MPHOSPH8: variants seen among roughly 807,000 people sequenced by gnomAD.
MPHOSPH8 encodes M-phase phosphoprotein, mpp.
MPHOSPH8 carries 45 observed loss-of-function variants against 87.3 expected under a neutral mutation model. That is an observed-to-expected ratio of 0.52 (90% CI 0.41 to 0.66). The LOEUF (loss-of-function observed/expected upper bound fraction) is 0.66, where lower values mean the gene tolerates loss of function less well. Among genes scored for constraint, MPHOSPH8 ranks in the 30% least tolerant of loss-of-function variants. MPHOSPH8 has a pLI of 0.00. For synonymous variants in MPHOSPH8, 366 were observed against 376.9 expected, an observed-to-expected ratio of 0.97 and a Z score of 0.33; for missense variants, 883 against 1,020.2, an observed-to-expected ratio of 0.87 and a Z score of 1.83.
chr13:19,654,450 C>A (rs1384774599), intron 5 of MPHOSPH8, among the ~76,000 whole-genome samples: 1 of 152,016 alleles, frequency 6.6e-6, no homozygotes, highest in African/African-American at 2.4e-5. Context: ...ATGCTCTGCA[C>A]ATGTACCCCA....
rs1874624523 is a variant in MPHOSPH8 at position 19,647,357 on chromosome 13, A to G, written c.1218+66A>G. 42 of 1,374,144 alleles carry G rather than the reference A, an allele frequency of 3.1e-5. No individual in the cohort carries two copies. In the South Asian group the frequency reaches 5.7e-4, roughly 19 times the overall value. The allele number at this position is 1,374,144 out of a possible 1,614,324, so 85.1% of individuals were successfully genotyped here. ...GTCAAGACATTTCACAAGCAAGGAA[A>G]GGGAAACAGTCAAGCTATAAGAAAG... On this transcript the variant is annotated intron_variant, in intron 3 of 13. Coordinates refer to ENST00000361479, the MANE Select transcript of MPHOSPH8 (RefSeq NM_017520.4).
rs183264197 is a variant in MPHOSPH8 at position 19,662,840 on chromosome 13, T to G, written c.1933-200T>G. Among the ~76,000 whole-genome samples the G allele has an allele frequency of 2.5e-3, 382 of 152,382 alleles. 2 individuals carry two copies. The highest frequency in any genetic ancestry group is 8.5e-3 in the African/African-American group (355 of 41,600). On this transcript the variant is annotated intron_variant, in intron 8 of 13. Transcript: ENST00000361479. ...AGCTAGCGGTTCCATTCGCAGTTGC[T>G]GGCAGCACAGTGAGTGGCCACGTTT...
At chr13:19,643,544 C>T (rs1268489469) in intron 2 of MPHOSPH8, among the ~76,000 whole-genome samples, 1 of 152,128 alleles carries the variant, frequency 6.6e-6, no homozygotes, top group Non-Finnish European at 1.5e-5. Context: ...GCCACTGTGC[C>T]CGACCTGATT....
intron 9 of MPHOSPH8, among the ~76,000 whole-genome samples, chr13:19,663,832 T>C (rs999707816): frequency 7.2e-5 from 11 of 152,122 alleles, no homozygotes; most frequent in Non-Finnish European, 1.5e-4. Flanking sequence ...ATGTAAGCCA[T>C]TGAGCCAAGC....
intron 1 of MPHOSPH8, among the ~76,000 whole-genome samples, chr13:19,634,448 C>G (rs1312072299): frequency 6.6e-6 from 1 of 152,282 alleles, no homozygotes; most frequent in South Asian, 2.1e-4. Context: ...CCTTCATAAC[C>G]TGATCAGCAT....
chr13:19,661,016 T>C, intron 7 of MPHOSPH8: 1 of 949,594 alleles, frequency 1.1e-6, no homozygotes, highest in African/African-American at 1.8e-5. Context: ...TCCCATCTAC[T>C]TGAGGCTGTG....
chr13:19,663,009 A>G, intron 8 of MPHOSPH8, 31 bp from the exon 9 acceptor site: 5 of 1,524,948 alleles, frequency 3.3e-6, no homozygotes, highest in Non-Finnish European at 4.5e-6. Context: ...ATAATTTGGG[A>G]AATTAAATTT....
At chr13:19,664,266 G>C (rs1875701394) in intron 9 of MPHOSPH8, among the ~76,000 whole-genome samples, 1 of 152,214 alleles carries the variant, frequency 6.6e-6, no homozygotes, top group Admixed American at 6.5e-5. Flanking sequence ...CCTGAGGTTT[G>C]TCTTTGTTTC....
intron 8 of MPHOSPH8, 100 bp from the exon 9 acceptor site, chr13:19,662,940 C>T: frequency 1.0e-6 from 1 of 1,004,380 alleles, no homozygotes. Flanking sequence ...GTGATAGAAC[C>T]TGCTGGGTAT....
chr13:19,653,784 C>T (rs745685704), intron 5 of MPHOSPH8, among the ~76,000 whole-genome samples: 5 of 151,916 alleles, frequency 3.3e-5, no homozygotes, highest in Non-Finnish European at 7.4e-5. Flanking sequence ...ATAACGAAAT[C>T]GGTAAGCAGA....
intron 10 of MPHOSPH8, among the ~76,000 whole-genome samples, chr13:19,667,380 G>A (rs1040014441): frequency 1.3e-5 from 2 of 152,134 alleles, no homozygotes; most frequent in South Asian, 4.1e-4. Context: ...ATCCCCTGGA[G>A]CGCAGCATTG....
At chr13:19,635,633 T>C (rs1248827753) in intron 1 of MPHOSPH8, among the ~76,000 whole-genome samples, 1 of 152,230 alleles carries the variant, frequency 6.6e-6, no homozygotes, top group Non-Finnish European at 1.5e-5. Context: ...TTGTAAGCAC[T>C]GTATACCTAA....
chr13:19,639,404 G>C (rs1485315122), intron 1 of MPHOSPH8, among the ~76,000 whole-genome samples: 2 of 151,750 alleles, frequency 1.3e-5, no homozygotes, highest in Non-Finnish European at 2.9e-5. Context: ...TCCGCCTCCT[G>C]GGTTCAAGCG....
rs149331994 is a variant in MPHOSPH8 at position 19,661,424 on chromosome 13, A to G, written c.1792-274A>G. 3.4e-3 allele frequency among the ~76,000 whole-genome samples: 523 copies of G among 152,348 alleles called. 2 individuals carry two copies. The highest frequency in any genetic ancestry group is 0.012 in the African/African-American group (499 of 41,572). On this transcript the variant is annotated intron_variant, in intron 7 of 13. Transcript: ENST00000361479. ...CAAACCTTCCCTTTGTAAAAAACACAGTCCCTGTGAAGTGCAGTAAAGCAA... is the reference window on the plus strand; with the variant it reads ...CAAACCTTCCCTTTGTAAAAAACACGGTCCCTGTGAAGTGCAGTAAAGCAA...
intron 4 of MPHOSPH8, 39 bp downstream of exon 4, chr13:19,648,560 A>C: frequency 9.6e-7 from 1 of 1,045,944 alleles, no homozygotes; most frequent in Non-Finnish European, 1.3e-6. Flanking sequence ...TTACGTTGCT[A>C]TCTTTTATAC....
intron 9 of MPHOSPH8, among the ~76,000 whole-genome samples, chr13:19,664,801 C>T (rs1423973989): frequency 1.3e-5 from 2 of 151,712 alleles, no homozygotes; most frequent in African/African-American, 2.4e-5. Context: ...TTCACAGGGG[C>T]ATCTAGGCTC....
At chr13:19,654,519 C>T (rs1364722981) in intron 5 of MPHOSPH8, among the ~76,000 whole-genome samples, 1 of 152,154 alleles carries the variant, frequency 6.6e-6, no homozygotes, top group East Asian at 1.9e-4. Flanking sequence ...ATAAATTTAA[C>T]GCCAAGTCAG....
At chr13:19,647,328 A>C (rs1182674129) in intron 3 of MPHOSPH8, 37 bp downstream of exon 3, 2 of 1,522,346 alleles carry the variant, frequency 1.3e-6, no homozygotes, top group African/African-American at 2.8e-5. Context: ...ACCCATGTTG[A>C]GTGGTCAAGA....
At chr13:19,635,241 G>A (rs1873942600) in intron 1 of MPHOSPH8, among the ~76,000 whole-genome samples, 1 of 152,178 alleles carries the variant, frequency 6.6e-6, no homozygotes, top group African/African-American at 2.4e-5. Flanking sequence ...TTCGGCTAGG[G>A]CCGGGCGCAG....
Sources: allele counts gnomAD v4.1 joint callset (sites outside exome capture counted in the v4.1 genomes callset), GRCh38; gene constraint gnomAD v4.1.1; transcripts MANE v1.5; gene names NCBI Gene and HGNC (gene_info 2026-07-23, HGNC 2026-07-21).